Variants in PTPRU observed in about 807,000 individuals in gnomAD.
The protein encoded by PTPRU is protein tyrosine phosphatase receptor type U, also known as receptor-type tyrosine-protein phosphatase U.
Under a neutral mutation model 166.3 loss-of-function variants are expected in PTPRU, and 69 were observed. The ratio of observed to expected loss-of-function variants is 0.41; its 90% CI spans 0.34 to 0.51. The LOEUF (loss-of-function observed/expected upper bound fraction) is 0.51. Among genes scored for constraint, PTPRU ranks in the 20% least tolerant of loss-of-function variants. PTPRU has a pLI of 0.09. For synonymous variants in PTPRU, 793 were observed against 814.0 expected (o/e 0.97, Z 0.44); for missense variants, 1,657 against 2,013.7 (o/e 0.82, Z 3.39).
chr1:29,292,130 AGTGAAGCATCTGTGGTGCTC>A, intron 15 of PTPRU, 104 bp downstream of exon 15: 1 of 1,397,132 alleles, frequency 7.2e-7, no homozygotes, highest in Middle Eastern at 2.2e-4. Context: ...TGCAACCAAA[AGTGAAGCATCTGTGGTGCTC>A]CTGCTGGATA....
intron 1 of PTPRU, among the ~76,000 whole-genome samples, chr1:29,250,024 G>A (rs1684479888): frequency 6.7e-6 from 1 of 149,160 alleles, no homozygotes; most frequent in Non-Finnish European, 1.5e-5. Context: ...TGTGTTTATT[G>A]ACCACCTTGC....
chr1:29,316,145 G>A lies in PTPRU; in HGVS notation c.3507G>A (p.Glu1169=). ...GTAATTCCTCCCAGCTGCGGGAAGA[G>A]TTCCAGGTGGGGGATGAGTGCGTGT... ...PQSNSSQLRE[E]FQTLNSVTPP... The change falls in exon 24 of 30, where the codon GAG becomes GAA. Residue 1169 remains glutamate (E), a synonymous_variant. Transcript: ENST00000373779. 1 of 1,614,012 alleles carries A rather than the reference G, an allele frequency of 6.2e-7. No homozygotes were observed. The highest frequency in any genetic ancestry group is 1.1e-5 in the South Asian group (1 of 91,058).
intron 7 of PTPRU, among the ~76,000 whole-genome samples, chr1:29,266,350 A>C (rs989420273): frequency 6.6e-6 from 1 of 152,054 alleles, no homozygotes; most frequent in Non-Finnish European, 1.5e-5. Flanking sequence ...ATTTAAGTTT[A>C]TGATCTATTT....
In PTPRU at chr1:29,304,151, G is replaced by A. The variant is rs1019021432; in HGVS notation, c.2667+106G>A. The stretch of plus-strand genomic sequence containing the variant: ...ACCCTCAGCCTAGTCCTGGTTGGAC[G>A]CCTGCTCTGACAGTTTCCAACTCAA... On this transcript the variant is annotated intron_variant, in intron 16 of 29. Coordinates refer to ENST00000373779, the MANE Select transcript of PTPRU (RefSeq NM_133178.4). 107 of 1,295,782 alleles carry A rather than the reference G, an allele frequency of 8.3e-5. No individual in the cohort carries two copies. In the African/African-American group the frequency reaches 1.2e-3, roughly 15 times the overall value. 80.3% of individuals were successfully genotyped at this position (1,295,782 alleles called of 1,614,324 possible).
intron 7 of PTPRU, among the ~76,000 whole-genome samples, chr1:29,266,018 T>TG (rs1190262592): frequency 7.2e-6 from 1 of 139,748 alleles, no homozygotes; most frequent in Non-Finnish European, 1.6e-5. Flanking sequence ...GGGTTTTTTT[T>TG]TTTTTTTTTT....
At chr1:29,241,301 G>A (rs992826439) in intron 1 of PTPRU, among the ~76,000 whole-genome samples, 1 of 152,118 alleles carries the variant, frequency 6.6e-6, no homozygotes, top group African/African-American at 2.4e-5. Context: ...ATCAGGGTGT[G>A]CAGACAGAGG....
At chr1:29,239,263 TTCCGGGTAGGG>T (rs1454403532) in intron 1 of PTPRU, among the ~76,000 whole-genome samples, 2 of 152,206 alleles carry the variant, frequency 1.3e-5, no homozygotes, top group African/African-American at 4.8e-5. Flanking sequence ...GCTCCGGAGC[TTCCGGGTAGGG>T]GCGGTGTGTG....
rs1224084303 is a variant in PTPRU at position 29,325,320 on chromosome 1, G to C, written c.4242G>C (p.Glu1414Asp). The stretch of plus-strand genomic sequence containing the variant: ...GGAACTACAAACCCAACATGGTGGA[G>C]ACCATGGTGAGGGGCTGTGTCCCGT... ...TLRNYKPNMVETMDQYHFCYD... is the reference protein window; with the variant it reads ...TLRNYKPNMVDTMDQYHFCYD... The change falls in exon 29 of 30, where the codon GAG (glutamate) becomes GAC (aspartate). Residue 1414 changes from glutamate to aspartate, a missense_variant. Glu to Asp is a conservative substitution (Grantham distance 45). This residue lies in a region of PTPRU where 1,190 missense variants were observed against 1,477.4 expected (regional missense o/e 0.81). Coordinates refer to ENST00000373779, the MANE Select transcript of PTPRU (RefSeq NM_133178.4). 1 of 1,614,090 alleles carries C rather than the reference G, an allele frequency of 6.2e-7. No homozygotes were observed. The highest frequency in any genetic ancestry group is 8.5e-7 in the Non-Finnish European group (1 of 1,179,912).
At chr1:29,276,429 C>T (rs544285909) in intron 8 of PTPRU, among the ~76,000 whole-genome samples, 1 of 152,314 alleles carries the variant, frequency 6.6e-6, no homozygotes, top group South Asian at 2.1e-4. Flanking sequence ...GATCACTCTA[C>T]CTCAGCCTCC....
Position 29,318,112 on chromosome 1 carries a change from C to T in PTPRU, c.3687+191C>T, listed in dbSNP as rs1249175738. On this transcript the variant is annotated intron_variant, in intron 25 of 29. Coordinates refer to ENST00000373779, the MANE Select transcript of PTPRU (RefSeq NM_133178.4). Reference sequence around the variant, plus strand: ...AGGGCATTCAAGCCAGTGCCCCCCACACTCTGCCTCAGTGGGGTCTGGTTG... The same window carrying T: ...AGGGCATTCAAGCCAGTGCCCCCCATACTCTGCCTCAGTGGGGTCTGGTTG... Among the ~76,000 whole-genome samples the T allele has an allele frequency of 3.9e-5, 6 of 152,226 alleles. No individual in the cohort carries two copies. The East Asian group carries it at 5.8e-4, about 15-fold the overall frequency.
At position 29,260,026 on chromosome 1, in the gene PTPRU, G is replaced by T; in HGVS notation, c.832G>T (p.Ala278Ser). 6.8e-7 allele frequency: 1 copy of T among 1,469,700 alleles called. No homozygotes were observed. Among genetic ancestry groups the T allele is most frequent in the Non-Finnish European group, 9.0e-7 (1 of 1,117,006 alleles). 91.0% of individuals were successfully genotyped at this position (1,469,700 alleles called of 1,614,324 possible). A position where few individuals can be genotyped will look rare whatever the true frequency, so the allele number is the denominator to read the frequency against. Residue 278 changes from alanine (A) to serine (S), a missense_variant, in exon 6 of 30, where the codon GCG (alanine) becomes TCG (serine). By Grantham distance (99) the Ala-to-Ser change is moderately conservative (BLOSUM62 1). This residue lies in a region of PTPRU where 453 missense variants were observed against 496.9 expected (regional missense o/e 0.91). Coordinates refer to ENST00000373779, the MANE Select transcript of PTPRU (RefSeq NM_133178.4). The surrounding 1 kb of genome is among the most constrained non-coding windows in gnomAD (Gnocchi z 8.3). ...GCGCGGCGCGGGCGTCTCTAACTTC[G>T]CGGAGCTCATCGTCAAGGGTCAGCT... ...APRGAGVSNF[A>S]ELIVKEPPTP...
At chr1:29,283,215 T>C (rs1463721525) in intron 12 of PTPRU, among the ~76,000 whole-genome samples, 1 of 65,706 alleles carries the variant, frequency 1.5e-5, no homozygotes, top group African/African-American at 6.2e-5. Context: ...TTTGCCCACC[T>C]CCCATTGCCC....
At position 29,275,773 on chromosome 1, in the gene PTPRU, C is replaced by T; in HGVS notation, c.1453+17C>T. 6.2e-7 allele frequency: 1 copy of T among 1,609,812 alleles called. No homozygotes were observed. The highest frequency in any genetic ancestry group is 8.5e-7 in the Non-Finnish European group (1 of 1,176,604). On this transcript the variant is annotated intron_variant, in intron 8 of 29. Transcript: ENST00000373779. The stretch of plus-strand genomic sequence containing the variant: ...ATGAGGATGGTAAGAGTCTCAGTCC[C>T]AATTCCCGGGGCCCTGTGTACCTCC...
chr1:29,291,984 C>T lies in PTPRU; in HGVS notation c.2434C>T (p.Leu812=), dbSNP rs760966655. ...DQSTLQEDER[L]GLSFMDTHGY... ...GAGCACCCTGCAGGAGGACGAGCGGCTGGGCCTGTCCTTCATGGACACCCA... is the reference window on the plus strand; with the variant it reads ...GAGCACCCTGCAGGAGGACGAGCGGTTGGGCCTGTCCTTCATGGACACCCA... The change falls in exon 15 of 30, where the codon CTG becomes TTG. Residue 812 remains leucine, a synonymous_variant. Transcript: ENST00000373779. The surrounding 1 kb of genome is among the most constrained non-coding windows in gnomAD (Gnocchi z 4.1). The T allele has an allele frequency of 6.2e-7, 1 of 1,614,188 alleles. No individual in the cohort carries two copies. Among genetic ancestry groups the T allele is most frequent in the East Asian group, 2.2e-5 (1 of 44,878 alleles).
intron 1 of PTPRU, among the ~76,000 whole-genome samples, chr1:29,244,478 G>A (rs1288303067): frequency 1.3e-5 from 2 of 152,104 alleles, no homozygotes; most frequent in Non-Finnish European, 1.5e-5. Context: ...GAAACCTAGT[G>A]GATAGGACAG....
chr1:29,305,641 AG>A (rs1687357701), intron 18 of PTPRU: 2 of 746,050 alleles, frequency 2.7e-6, no homozygotes, highest in Admixed American at 1.7e-5. Context: ...AGTTGGCCTG[AG>A]AGATGAGGTG....
chr1:29,313,534 T>G (rs1404707993), intron 22 of PTPRU, among the ~76,000 whole-genome samples: 2 of 152,202 alleles, frequency 1.3e-5, no homozygotes, highest in Non-Finnish European at 2.9e-5. Flanking sequence ...AGCACACTTG[T>G]GAAAAAACCA....
intron 26 of PTPRU, 178 bp from the exon 27 acceptor site, chr1:29,323,193 A>G: frequency 1.2e-6 from 1 of 801,128 alleles, no homozygotes; most frequent in East Asian, 2.7e-5. Flanking sequence ...TGGGCCTTGC[A>G]GCCTGTGGGC....
At chr1:29,290,262 C>T (rs967517761) in intron 14 of PTPRU, among the ~76,000 whole-genome samples, 1 of 152,208 alleles carries the variant, frequency 6.6e-6, no homozygotes, top group Admixed American at 6.5e-5. Flanking sequence ...CTGGGAGCCT[C>T]CTCTGGGCCA....
Sources: gnomAD v4.1 joint callset for allele counts (sites outside exome capture counted in the v4.1 genomes callset) on GRCh38, gnomAD v4.1.1 for gene constraint, gnomAD v4.1.1 regional missense constraint, Gnocchi (gnomAD v3.1) non-coding constraint, MANE v1.5 for transcripts, NCBI Gene and HGNC (gene_info 2026-07-23, HGNC 2026-07-21) for gene names.